PRR27: variants seen among roughly 807,000 people sequenced by gnomAD.
PRR27 encodes proline rich 27.
Under a neutral mutation model 16.8 loss-of-function variants are expected in PRR27, and 12 were observed. The observed-to-expected ratio is 0.71, with a 90% confidence interval of 0.46 to 1.16. The LOEUF is 1.16. Ranked by LOEUF, PRR27 falls within the 50% of genes most tolerant of loss-of-function variation. PRR27 has a pLI of 0.00. For missense variants in PRR27, 277 were observed against 273.3 expected (o/e 1.01, Z -0.10); for synonymous variants, 100 against 98.4 (o/e 1.02, Z -0.10).
intron 1 of PRR27, chr4:70,154,823 T>A: frequency 8.1e-7 from 1 of 1,236,566 alleles, no homozygotes; most frequent in Non-Finnish European, 1.1e-6. Context: ...GGATACTTGA[T>A]GGAATAGAAG....
intron 1 of PRR27, among the ~76,000 whole-genome samples, chr4:70,155,352 T>A (rs2109789400): frequency 6.6e-6 from 1 of 151,706 alleles, no homozygotes; most frequent in South Asian, 2.1e-4. Context: ...CCACTCTTTT[T>A]TTTGTTGTAT....
At chr4:70,162,388 A>G (rs1418190115) in intron 4 of PRR27, among the ~76,000 whole-genome samples, 1 of 152,178 alleles carries the variant, frequency 6.6e-6, no homozygotes, top group African/African-American at 2.4e-5. Context: ...AGAAACTAAA[A>G]GATATCCATT....
At position 70,166,049 on chromosome 4, in the gene PRR27, T is replaced by A. The variant is rs2109797680; in HGVS notation, c.*3388T>A. ...ATATATAAAAGAGTTTTATGAGTTT[T>A]AAAAATGTATATAAACAAGACATAT... On this transcript the variant is annotated 3_prime_UTR_variant, in exon 5 of 5. Transcript: ENST00000344526. The A allele has an allele frequency of 6.6e-6, 1 of 152,214 alleles. No homozygotes were observed. The allele number at this position is 152,214 out of a possible 1,614,324, so 9.4% of individuals were successfully genotyped here.
Position 70,158,843 on chromosome 4 carries a change from G to A in PRR27, c.591G>A (p.Glu197=). The change falls in exon 3 of 5, where the codon GAG becomes GAA. Residue 197 remains glutamate (E), a synonymous_variant. Coordinates refer to ENST00000344526, the MANE Select transcript of PRR27 (RefSeq NM_214711.4). ...CTGCAGAGGAACCTTCACCAGCTGA[G>A]CCTGCTACAGCCAAGCCTGCTGCCC... ...EPAAEEPSPA[E]PATAKPAAPE... 1 of 1,613,978 alleles carries A rather than the reference G, an allele frequency of 6.2e-7. No homozygotes were observed. Among genetic ancestry groups the A allele is most frequent in the Non-Finnish European group, 8.5e-7 (1 of 1,180,004 alleles).
chr4:70,154,914 A>C, intron 1 of PRR27: 1 of 429,398 alleles, frequency 2.3e-6, no homozygotes, highest in African/African-American at 2.1e-5. Context: ...AAGTAGATGA[A>C]ACTCTAATGT....
At chr4:70,154,653 T>C in intron 1 of PRR27, 1 of 927,310 alleles carries the variant, frequency 1.1e-6, no homozygotes, top group Admixed American at 2.1e-5. Context: ...AGGAGGTAAG[T>C]TCATAAATGT....
chr4:70,154,772 G>C, intron 1 of PRR27: 4 of 1,317,598 alleles, frequency 3.0e-6, no homozygotes, highest in Non-Finnish European at 3.0e-6. Flanking sequence ...TCCTATGGCT[G>C]TGAAGTGCCA....
In PRR27 at chr4:70,154,346, A is replaced by G. The variant is rs1728428214; in HGVS notation, c.-30A>G. On this transcript the variant is annotated 5_prime_UTR_variant, in exon 1 of 5. Transcript: ENST00000344526. ...GCGTATTTTCTAAAACAATAAATTTATAGTGTTAATATTCATAGGGTCAAT... is the reference window on the plus strand; with the variant it reads ...GCGTATTTTCTAAAACAATAAATTTGTAGTGTTAATATTCATAGGGTCAAT... 3 of 1,529,534 alleles carry G rather than the reference A, an allele frequency of 2.0e-6. No individual in the cohort carries two copies. Among genetic ancestry groups the G allele is most frequent in the South Asian group, 1.1e-5 (1 of 87,772 alleles). The allele number at this position is 1,529,534 out of a possible 1,614,324, so 94.7% of individuals were successfully genotyped here. A position where few individuals can be genotyped will look rare whatever the true frequency, so the allele number is the denominator to read the frequency against.
chr4:70,164,454 A>C lies in PRR27; in HGVS notation c.*1793A>C, dbSNP rs1407430219. The stretch of plus-strand genomic sequence containing the variant: ...CATGAGGACATGGTCTCAAAAAATG[A>C]GAAACTTTCTTAGACAGTAAAATTG... On this transcript the variant is annotated 3_prime_UTR_variant, in exon 5 of 5. Transcript: ENST00000344526. 1 of 152,208 alleles carries C rather than the reference A, an allele frequency of 6.6e-6. No homozygotes were observed. Among genetic ancestry groups the C allele is most frequent in the Non-Finnish European group, 1.5e-5 (1 of 68,020 alleles). 9.4% of individuals were successfully genotyped at this position (152,208 alleles called of 1,614,324 possible).
At chr4:70,155,346 T>C (rs1429849186) in intron 1 of PRR27, among the ~76,000 whole-genome samples, 1 of 151,456 alleles carries the variant, frequency 6.6e-6, no homozygotes, top group African/African-American at 2.4e-5. Flanking sequence ...CAAAGACCAC[T>C]CTTTTTTTTG....
At chr4:70,160,043 T>A (rs1056426801) in intron 3 of PRR27, among the ~76,000 whole-genome samples, 6 of 152,078 alleles carry the variant, frequency 3.9e-5, no homozygotes, top group African/African-American at 1.4e-4. Context: ...AAAAAATTCA[T>A]CTTTTATTTT....
Position 70,165,955 on chromosome 4 carries a change from G to A in PRR27, c.*3294G>A, listed in dbSNP as rs1409768369. ...GGCCAGAAAGTCAGGACCTCAAAGA[G>A]GTATAAGTTTGTGTGTATAATTCCC... On this transcript the variant is annotated 3_prime_UTR_variant, in exon 5 of 5. Transcript: ENST00000344526. 6.6e-6 allele frequency: 1 copy of A among 151,942 alleles called. No individual in the cohort carries two copies. The highest frequency in any genetic ancestry group is 1.5e-5 in the Non-Finnish European group (1 of 67,946). 9.4% of individuals were successfully genotyped at this position (151,942 alleles called of 1,614,324 possible). A position where few individuals can be genotyped will look rare whatever the true frequency, so the allele number is the denominator to read the frequency against.
chr4:70,166,388 A>G lies in PRR27; in HGVS notation c.*3727A>G, dbSNP rs1024513155. ...TATATATGTGTGCATGTGCATGCAT[A>G]GTAAAAATCTTAACCCAAAACTGAA... On this transcript the variant is annotated 3_prime_UTR_variant, in exon 5 of 5. Transcript: ENST00000344526. 1.3e-5 allele frequency: 2 copies of G among 152,070 alleles called. No individual in the cohort carries two copies. Among genetic ancestry groups the G allele is most frequent in the Admixed American group, 1.3e-4 (2 of 15,260 alleles). The allele number at this position is 152,070 out of a possible 1,614,324, so 9.4% of individuals were successfully genotyped here.
rs1728759694 is a variant in PRR27 at position 70,166,009 on chromosome 4, T to C, written c.*3348T>C. On this transcript the variant is annotated 3_prime_UTR_variant, in exon 5 of 5. Coordinates refer to ENST00000344526, the MANE Select transcript of PRR27 (RefSeq NM_214711.4). ...CTTTTTTCTAAAATTTTAGTATGCA[T>C]TTATGTGGCACTTAATATATAAAAG... 1 of 152,086 alleles carries C rather than the reference T, an allele frequency of 6.6e-6. No individual in the cohort carries two copies. Among genetic ancestry groups the C allele is most frequent in the Admixed American group, 6.6e-5 (1 of 15,242 alleles). 9.4% of individuals were successfully genotyped at this position (152,086 alleles called of 1,614,324 possible). A position where few individuals can be genotyped will look rare whatever the true frequency, so the allele number is the denominator to read the frequency against.
At position 70,164,221 on chromosome 4, in the gene PRR27, T is replaced by A. The variant is rs536367778; in HGVS notation, c.*1560T>A. 2 of 152,160 alleles carry A rather than the reference T, an allele frequency of 1.3e-5. 1 individual carries two copies. The highest frequency in any genetic ancestry group is 4.8e-5 in the African/African-American group (2 of 41,434). 9.4% of individuals were successfully genotyped at this position (152,160 alleles called of 1,614,324 possible). A position where few individuals can be genotyped will look rare whatever the true frequency, so the allele number is the denominator to read the frequency against. The stretch of plus-strand genomic sequence containing the variant: ...GGCATTTCTGTGTCTTATTCAGCAC[T>A]TTATCAGGGCCTATAACAATGCCTG... On this transcript the variant is annotated 3_prime_UTR_variant, in exon 5 of 5. Coordinates refer to ENST00000344526, the MANE Select transcript of PRR27 (RefSeq NM_214711.4).
In PRR27 at chr4:70,165,998, T is replaced by G. The variant is rs547631382; in HGVS notation, c.*3337T>G. 5.9e-5 allele frequency: 9 copies of G among 152,210 alleles called. No homozygotes were observed. The highest frequency in any genetic ancestry group is 2.2e-4 in the African/African-American group (9 of 41,560). The allele number at this position is 152,210 out of a possible 1,614,324, so 9.4% of individuals were successfully genotyped here. A position where few individuals can be genotyped will look rare whatever the true frequency, so the allele number is the denominator to read the frequency against. On this transcript the variant is annotated 3_prime_UTR_variant, in exon 5 of 5. Coordinates refer to ENST00000344526, the MANE Select transcript of PRR27 (RefSeq NM_214711.4). ...TAATTCCCTGGCTTTTTTCTAAAATTTTAGTATGCATTTATGTGGCACTTA... is the reference window on the plus strand; with the variant it reads ...TAATTCCCTGGCTTTTTTCTAAAATGTTAGTATGCATTTATGTGGCACTTA...
At chr4:70,155,905 T>TA (rs369145230) in intron 1 of PRR27, 149 bp from the exon 2 acceptor site, 231 of 566,256 alleles carry the variant, frequency 4.1e-4, no homozygotes, top group South Asian at 1.6e-3. Context: ...ATGACGATGA[T>TA]AAAAAAAAAT....
Position 70,157,489 on chromosome 4 carries a change from C to T in PRR27, c.76-839C>T, listed in dbSNP as rs28438511. On this transcript the variant is annotated intron_variant, in intron 2 of 4. Coordinates refer to ENST00000344526, the MANE Select transcript of PRR27 (RefSeq NM_214711.4). ...ATACAATAACATTAACATCTACATC[C>T]AGTCTGCTCACTGTCTTGTTTATTT... is the stretch of plus-strand genomic sequence containing the variant. Among the ~76,000 whole-genome samples, 305 of 150,514 alleles carry T rather than the reference C, an allele frequency of 2.0e-3. 4 individuals are homozygous for T. The highest frequency in any genetic ancestry group is 2.1e-3 in the South Asian group (10 of 4,772).
chr4:70,158,306 G>A lies in PRR27; in HGVS notation c.76-22G>A, dbSNP rs777861189. 58 of 1,512,856 alleles carry A rather than the reference G, an allele frequency of 3.8e-5. 1 individual carries two copies. The Middle Eastern group carries it at 7.0e-4, about 18-fold the overall frequency. The allele number at this position is 1,512,856 out of a possible 1,614,324, so 93.7% of individuals were successfully genotyped here. A position where few individuals can be genotyped will look rare whatever the true frequency, so the allele number is the denominator to read the frequency against. The stretch of plus-strand genomic sequence containing the variant: ...AGACAGGACAAATACAATCAACTTC[G>A]ACTTCTTTGTTTCTCCTTTAGGATG... On this transcript the variant is annotated intron_variant, in intron 2 of 4. Transcript: ENST00000344526.
Sources: allele counts gnomAD v4.1 joint callset (sites outside exome capture counted in the v4.1 genomes callset), GRCh38; gene constraint gnomAD v4.1.1; transcripts MANE v1.5; gene names NCBI Gene and HGNC (gene_info 2026-07-23, HGNC 2026-07-21).